TNRC6A: variants seen among roughly 807,000 people sequenced by gnomAD.
TNRC6A encodes the protein trinucleotide repeat-containing gene 6A protein.
A neutral mutation model predicts 221.2 loss-of-function variants in TNRC6A; 44 were observed. That is an observed-to-expected ratio of 0.20 (90% CI 0.16 to 0.26). The LOEUF (loss-of-function observed/expected upper bound fraction) is 0.26, where lower values mean the gene tolerates loss of function less well. TNRC6A is among the 10% of genes least tolerant of loss of function. The pLI, the probability that TNRC6A is intolerant of heterozygous loss-of-function variation, is 1.00. For missense variants in TNRC6A, 2,199 were observed against 2,404.4 expected (o/e 0.91, Z 1.79); for synonymous variants, 847 against 838.5 (o/e 1.01, Z -0.18).
At chr16:24,787,196 T>A (rs557649389) in intron 5 of TNRC6A, among the ~76,000 whole-genome samples, 4 of 152,300 alleles carry the variant, frequency 2.6e-5, no homozygotes, top group Middle Eastern at 6.8e-3. Flanking sequence ...ATGATAAAAT[T>A]AACAAAAGAA....
rs61045296 is a variant in TNRC6A at position 24,669,487 on chromosome 16, C to CA, written n.402+28491dup. On this transcript the variant is annotated intron_variant and non_coding_transcript_variant, in intron 2 of 2. Transcript: ENST00000566108. ...CTGGGCAACAAGCAAGACTCTGTCT[C>CA]AAAAAAAAAAAAATCCTATAGCTCC... Among the ~76,000 whole-genome samples, 44 of 147,584 alleles carry CA rather than the reference C, an allele frequency of 3.0e-4. 1 individual carries two copies. Among genetic ancestry groups the CA allele is most frequent in the South Asian group, 1.1e-3 (5 of 4,660 alleles).
In TNRC6A at chr16:24,791,273, T is replaced by C; in HGVS notation, c.2631T>C (p.Gly877=). The C allele has an allele frequency of 6.2e-7, 1 of 1,613,768 alleles. No homozygotes were observed. Among genetic ancestry groups the C allele is most frequent in the Admixed American group, 1.7e-5 (1 of 59,980 alleles). The change falls in exon 6 of 25, where the codon GGT becomes GGC. Residue 877 remains glycine (G), a synonymous_variant. Coordinates refer to ENST00000395799, the MANE Select transcript of TNRC6A (RefSeq NM_014494.4). ...GEANKKSSSG[G]SDSDRSVSGW... is the part of the protein sequence containing the mutation. ...CCAATAAGAAATCCAGCTCAGGAGG[T>C]AGTGACAGTGACAGGTCCGTTTCCG...
intron 2 of TNRC6A, among the ~76,000 whole-genome samples, chr16:24,673,551 G>C (rs1169498124): frequency 6.6e-6 from 1 of 152,100 alleles, no homozygotes; most frequent in Non-Finnish European, 1.5e-5. Flanking sequence ...ACTCATTCAG[G>C]AAATTTATTT....
At chr16:24,746,843 G>T (rs996577024) in intron 2 of TNRC6A, among the ~76,000 whole-genome samples, 1 of 152,148 alleles carries the variant, frequency 6.6e-6, no homozygotes, top group Non-Finnish European at 1.5e-5. Flanking sequence ...GTAGGAAGGG[G>T]CATTCTACCT....
chr16:24,640,398 CAAAAAAAAAGAAAGAAA>C (rs1190852301), intron 1 of TNRC6A, among the ~76,000 whole-genome samples: 2 of 107,906 alleles, frequency 1.9e-5, no homozygotes, highest in Non-Finnish European at 3.8e-5. Flanking sequence ...AAATCCTGTC[CAAAAAAAAAGAAAGAAA>C]AAAAAAAAAG....
rs1021983055 is a variant in TNRC6A at position 24,806,685 on chromosome 16, C to T, written c.4441C>T (p.Pro1481Ser). ...ATCTCAGCAGCAGCCACTCCATCAG[C>T]CAGCCATGAAGTCTTTCCTTGACAA... The part of the protein sequence containing the change: ...PPSQQQPLHQ[P>S]AMKSFLDNVM... The change falls in exon 17 of 25, where the codon CCA becomes TCA. Residue 1481 changes from proline (P) to serine (S), a missense_variant. Around this residue, in one of 8 missense-constraint regions of TNRC6A, gnomAD observed 449 missense variants for 579.7 expected, o/e 0.77. Transcript: ENST00000395799. 6.2e-7 allele frequency: 1 copy of T among 1,614,202 alleles called. No individual in the cohort carries two copies. Among genetic ancestry groups the T allele is most frequent in the Non-Finnish European group, 8.5e-7 (1 of 1,180,028 alleles).
At chr16:24,784,799 C>G (rs889059103) in intron 5 of TNRC6A, among the ~76,000 whole-genome samples, 6 of 152,112 alleles carry the variant, frequency 3.9e-5, no homozygotes, top group Non-Finnish European at 7.4e-5. Context: ...CGGGTCATGA[C>G]CAGAATCTGA....
At chr16:24,657,550 A>G (rs73564607) in intron 2 of TNRC6A, among the ~76,000 whole-genome samples, 4,912 of 152,028 alleles carry the variant, frequency 0.032, 264 homozygotes, top group African/African-American at 0.11. Flanking sequence ...TTTCCATTAA[A>G]ATACAAAAAG....
At position 24,804,162 on chromosome 16, in the gene TNRC6A, T is replaced by C. The variant is rs1324240904; in HGVS notation, c.3695-15T>C. 6.3e-7 allele frequency: 1 copy of C among 1,588,530 alleles called. No homozygotes were observed. The highest frequency in any genetic ancestry group is 1.4e-5 in the African/African-American group (1 of 73,268). On this transcript the variant is annotated splice_polypyrimidine_tract_variant and intron_variant, in intron 11 of 24. Coordinates refer to ENST00000395799, the MANE Select transcript of TNRC6A (RefSeq NM_014494.4). Reference sequence around the variant, plus strand: ...GTTGTCTTCCTGTTTGATAACAGTCTCCTGCCTTTATTAGGAATGTTACAA... The same window carrying C: ...GTTGTCTTCCTGTTTGATAACAGTCCCCTGCCTTTATTAGGAATGTTACAA...
At chr16:24,624,270 G>C (rs576965880) in intron 1 of TNRC6A, among the ~76,000 whole-genome samples, 6 of 152,304 alleles carry the variant, frequency 3.9e-5, no homozygotes, top group African/African-American at 1.4e-4. Context: ...CACATTTGCT[G>C]ACATCCCATT....
chr16:24,735,173 T>C (rs957680745), intron 2 of TNRC6A, among the ~76,000 whole-genome samples: 1 of 152,176 alleles, frequency 6.6e-6, no homozygotes, highest in African/African-American at 2.4e-5. Context: ...TCCCAGCTAC[T>C]TGGGAGGCTG....
In TNRC6A at chr16:24,823,726, C is replaced by A. The variant is rs774099353; in HGVS notation, c.5808C>A (p.Asp1936Glu). Residue 1936 changes from aspartate to glutamate, a missense_variant, in exon 25 of 25, where the codon GAC becomes GAA. Physicochemically the swap from Asp to Glu is conservative, Grantham distance 45 (BLOSUM62 2). Transcript: ENST00000395799. The surrounding 1 kb of genome is among the most constrained non-coding windows in gnomAD (Gnocchi z 4.3). ...TSLWGPPSSS[D>E]PRGISSPSPI... The stretch of plus-strand genomic sequence containing the variant: ...TGTGGGGTCCCCCAAGCAGCAGCGA[C>A]CCCCGAGGAATTAGCAGCCCATCTC... 9.1e-6 allele frequency: 14 copies of A among 1,544,286 alleles called. No individual in the cohort carries two copies. The South Asian group carries it at 1.2e-4, about 14-fold the overall frequency.
chr16:24,721,128 G>A (rs2056403790), intron 2 of TNRC6A, among the ~76,000 whole-genome samples: 1 of 152,148 alleles, frequency 6.6e-6, no homozygotes, highest in Non-Finnish European at 1.5e-5. Context: ...GCTGAGGAGA[G>A]GCAGCAACTA....
chr16:24,784,745 A>G (rs1451667780), intron 5 of TNRC6A, among the ~76,000 whole-genome samples: 1 of 152,192 alleles, frequency 6.6e-6, no homozygotes, highest in East Asian at 1.9e-4. Context: ...TAAAAATGGG[A>G]TTTTAGTTAA....
chr16:24,755,053 A>G (rs1174161990), intron 3 of TNRC6A, among the ~76,000 whole-genome samples: 1 of 152,168 alleles, frequency 6.6e-6, no homozygotes. Context: ...GTGCTCTCAT[A>G]GAGGGCAGTT....
intron 5 of TNRC6A, among the ~76,000 whole-genome samples, chr16:24,787,365 A>G (rs2057996385): frequency 6.6e-6 from 1 of 152,138 alleles, no homozygotes; most frequent in Non-Finnish European, 1.5e-5. Flanking sequence ...AATTTTCCAT[A>G]AATTAACCTG....
chr16:24,821,673 G>A (rs2058768541), intron 22 of TNRC6A: 1 of 164,974 alleles, frequency 6.1e-6, no homozygotes, highest in East Asian at 1.7e-4. Flanking sequence ...CTGTGCGATC[G>A]CAAGCTCTGG....
chr16:24,816,391 C>CGGGAGGCTGTGGG (rs2058659540), intron 19 of TNRC6A: 1 of 155,770 alleles, frequency 6.4e-6, no homozygotes, highest in African/African-American at 2.5e-5. Flanking sequence ...CCTGTAATCC[C>CGGGAGGCTGTGGG]AGCACTTTGG....
At chr16:24,687,787 A>AGAGAAG (rs1380336874) in intron 2 of TNRC6A, among the ~76,000 whole-genome samples, 3 of 139,632 alleles carry the variant, frequency 2.1e-5, no homozygotes, top group Admixed American at 7.6e-5. Context: ...TGACAGAGCA[A>AGAGAAG]GAGAAGGAGA....
Sources: gnomAD v4.1 joint callset for allele counts (sites outside exome capture counted in the v4.1 genomes callset) on GRCh38, gnomAD v4.1.1 for gene constraint, gnomAD v4.1.1 regional missense constraint, Gnocchi (gnomAD v3.1) non-coding constraint, MANE v1.5 for transcripts, NCBI Gene and HGNC (gene_info 2026-07-23, HGNC 2026-07-21) for gene names.